The following CNTN6 variants were observed in gnomAD, a reference collection of about 807,000 sequenced individuals.
CNTN6 encodes the protein contactin-6.
Under a neutral mutation model 122.8 loss-of-function variants are expected in CNTN6, and 137 were observed. That is an observed-to-expected ratio of 1.12 (90% CI 0.97 to 1.29). The LOEUF (loss-of-function observed/expected upper bound fraction) is 1.29, where lower values mean the gene tolerates loss of function less well. Ranked by LOEUF, CNTN6 falls within the 50% of genes most tolerant of loss-of-function variation. CNTN6 has a pLI of 0.00. For synonymous variants in CNTN6, 570 were observed against 426.0 expected, an observed-to-expected ratio of 1.34 and a Z score of -4.16; for missense variants, 1,634 against 1,223.4, an observed-to-expected ratio of 1.34 and a Z score of -5.01.
At chr3:1,127,494 A>G (rs1553602384) in intron 1 of CNTN6, among the ~76,000 whole-genome samples, 2 of 151,886 alleles carry the variant, frequency 1.3e-5, no homozygotes, top group Non-Finnish European at 2.9e-5. Context: ...AGACCTCTCT[A>G]AGTGATTATG....
chr3:1,248,798 C>T (rs572221601), intron 4 of CNTN6, among the ~76,000 whole-genome samples: 41 of 151,610 alleles, frequency 2.7e-4, no homozygotes, highest in African/African-American at 8.2e-4. Context: ...CCAGCCTGGG[C>T]GACATGAGTG....
At position 1,278,039 on chromosome 3, in the gene CNTN6, A is replaced by C. The variant is rs576351641; in HGVS notation, c.359-374A>C. Among the ~76,000 whole-genome samples, 66 of 152,346 alleles carry C rather than the reference A, an allele frequency of 4.3e-4. 2 individuals are homozygous for C. The South Asian group carries it at 0.013, about 30-fold the overall frequency. ...TCACACTTTAAAATGGCAACCATTA[A>C]TCTAAGATGTTGGAAGACTGCAGCA... On this transcript the variant is annotated intron_variant, in intron 4 of 22. Transcript: ENST00000446702.
At chr3:1,277,367 T>C (rs1692583376) in intron 4 of CNTN6, among the ~76,000 whole-genome samples, 1 of 135,274 alleles carries the variant, frequency 7.4e-6, no homozygotes, top group African/African-American at 2.7e-5. Context: ...TTTTTTTTTT[T>C]TTTTTTTTTT....
intron 4 of CNTN6, among the ~76,000 whole-genome samples, chr3:1,272,709 A>G (rs17495069): frequency 0.086 from 13,149 of 152,054 alleles, 711 homozygotes; most frequent in Middle Eastern, 0.14. Context: ...AGCTTATGAG[A>G]CTTGGCAAAC....
Position 1,277,384 on chromosome 3 carries a change from G to A in CNTN6, c.359-1029G>A, listed in dbSNP as rs4086414. On this transcript the variant is annotated intron_variant, in intron 4 of 22. Coordinates refer to ENST00000446702, the MANE Select transcript of CNTN6 (RefSeq NM_001289080.2). ...TTTTTTTTTTTTTTTTTTTGAGACC[G>A]ATTCTGGCTCTGTCTCTCAGGCTGG... 1.6e-4 allele frequency among the ~76,000 whole-genome samples: 18 copies of A among 110,834 alleles called. No individual in the cohort carries two copies. In the South Asian group the frequency reaches 3.5e-3, roughly 21 times the overall value. 72.7% of individuals were successfully genotyped at this position (110,834 alleles called of 152,430 possible).
intron 4 of CNTN6, among the ~76,000 whole-genome samples, chr3:1,249,199 A>G (rs898687656): frequency 6.6e-6 from 1 of 151,970 alleles, no homozygotes; most frequent in African/African-American, 2.4e-5. Context: ...GAATAGCTCT[A>G]TTATGATGTA....
rs533365447 is a variant in CNTN6, at chr3:1,179,196, A to G, written c.55+31133A>G. On this transcript the variant is annotated intron_variant, in intron 2 of 22. Transcript: ENST00000446702. ...AAACTCATTGAGTGAGAACTTACTC[A>G]TTACCACAAGGACAGCACAAGCCAT... Among the ~76,000 whole-genome samples, 3 of 152,276 alleles carry G rather than the reference A, an allele frequency of 2.0e-5. No homozygotes were observed. In the South Asian group the frequency reaches 6.2e-4, roughly 32 times the overall value.
intron 5 of CNTN6, among the ~76,000 whole-genome samples, chr3:1,285,943 C>T (rs1205010299): frequency 3.3e-5 from 5 of 152,202 alleles, no homozygotes; most frequent in African/African-American, 9.6e-5. Flanking sequence ...GCTCATGGCT[C>T]TTCCCACTCT....
intron 12 of CNTN6, among the ~76,000 whole-genome samples, chr3:1,368,764 G>T (rs1449010684): frequency 6.6e-6 from 1 of 152,120 alleles, no homozygotes; most frequent in Non-Finnish European, 1.5e-5. Flanking sequence ...TTTGTAATTT[G>T]TAAGTGTATG....
At chr3:1,172,800 G>T (rs1195793560) in intron 2 of CNTN6, among the ~76,000 whole-genome samples, 1 of 152,162 alleles carries the variant, frequency 6.6e-6, no homozygotes, top group Non-Finnish European at 1.5e-5. Context: ...CAAAGGCAAG[G>T]TTCTATCTAT....
At chr3:1,392,565 T>C (rs1177651055) in intron 20 of CNTN6, among the ~76,000 whole-genome samples, 1 of 147,880 alleles carries the variant, frequency 6.8e-6, no homozygotes, top group African/African-American at 2.5e-5. Flanking sequence ...TGGGATCTAA[T>C]TAAACTAAAG....
At chr3:1,310,075 T>C (rs13314920) in intron 7 of CNTN6, among the ~76,000 whole-genome samples, 1 of 151,004 alleles carries the variant, frequency 6.6e-6, no homozygotes, top group Admixed American at 6.6e-5. Flanking sequence ...GGAACAAGTA[T>C]TATTTCCTTC....
intron 20 of CNTN6, among the ~76,000 whole-genome samples, chr3:1,398,904 G>A (rs1336851017): frequency 6.6e-6 from 1 of 152,106 alleles, no homozygotes; most frequent in Non-Finnish European, 1.5e-5. Context: ...TATGCCCACA[G>A]AAAGTTGTGC....
At chr3:1,401,268 T>C (rs1695668009) in intron 20 of CNTN6, 165 bp from the exon 21 acceptor site, 1 of 576,500 alleles carries the variant, frequency 1.7e-6, no homozygotes, top group African/African-American at 1.9e-5. Context: ...TTGAATAAAT[T>C]TGCTTACTGT....
chr3:1,318,591 G>A (rs889206247), intron 7 of CNTN6, among the ~76,000 whole-genome samples: 2 of 151,700 alleles, frequency 1.3e-5, no homozygotes, highest in Non-Finnish European at 2.9e-5. Context: ...GTGGGGCAGG[G>A]AAGAGATAGT....
chr3:1,158,053 T>C (rs1307847274), intron 2 of CNTN6, among the ~76,000 whole-genome samples: 2 of 152,198 alleles, frequency 1.3e-5, no homozygotes, highest in Non-Finnish European at 2.9e-5. Context: ...CTAGTTTTAG[T>C]CTTAGTTACT....
chr3:1,315,630 A>G (rs1370603096), intron 7 of CNTN6, among the ~76,000 whole-genome samples: 1 of 151,892 alleles, frequency 6.6e-6, no homozygotes, highest in Non-Finnish European at 1.5e-5. Context: ...AAAATATCTA[A>G]TTTTCCTATA....
chr3:1,112,771 C>T (rs1361620760), intron 1 of CNTN6, among the ~76,000 whole-genome samples: 3 of 152,064 alleles, frequency 2.0e-5, no homozygotes, highest in Non-Finnish European at 4.4e-5. Context: ...ACAGACACAA[C>T]GTGCATACTG....
chr3:1,297,444 A>G (rs1047945267), intron 6 of CNTN6, among the ~76,000 whole-genome samples: 2 of 151,956 alleles, frequency 1.3e-5, no homozygotes, highest in African/African-American at 4.8e-5. Flanking sequence ...ACTTAAAACA[A>G]ATTCGTATAG....
Sources: gnomAD v4.1 joint callset for allele counts (sites outside exome capture counted in the v4.1 genomes callset) on GRCh38, gnomAD v4.1.1 for gene constraint, MANE v1.5 for transcripts, NCBI Gene and HGNC (gene_info 2026-07-23, HGNC 2026-07-21) for gene names.